LDB2: variants seen among roughly 807,000 people sequenced by gnomAD.
LDB2 encodes LIM domain binding 2.
A neutral mutation model predicts 44.3 loss-of-function variants in LDB2; 12 were observed. The ratio of observed to expected loss-of-function variants is 0.27; its 90% CI spans 0.17 to 0.44. The LOEUF is 0.44. Among genes scored for constraint, LDB2 ranks in the 20% least tolerant of loss-of-function variants. LDB2 has a pLI of 1.00. For missense variants in LDB2, 344 were observed against 473.5 expected (o/e 0.73, Z 2.54); for synonymous variants, 164 against 174.8 (o/e 0.94, Z 0.49).
chr4:16,723,222 T>TA (rs35546588), intron 2 of LDB2, among the ~76,000 whole-genome samples: 63,185 of 151,946 alleles, frequency 0.42, 13,161 homozygotes, highest in Admixed American at 0.44. Flanking sequence ...TGTAACAGAA[T>TA]CCACAGACTG....
intron 5 of LDB2, among the ~76,000 whole-genome samples, chr4:16,571,571 T>C (rs964904455): frequency 2.0e-5 from 3 of 152,194 alleles, no homozygotes; most frequent in African/African-American, 7.2e-5. Context: ...TAGGTCAACA[T>C]GGGATGTAAT....
intron 3 of LDB2, among the ~76,000 whole-genome samples, chr4:16,593,122 C>T (rs1281967316): frequency 2.0e-5 from 3 of 152,014 alleles, no homozygotes; most frequent in East Asian, 1.9e-4. Context: ...ATTAGGATTG[C>T]GACTGATTTT....
intron 5 of LDB2, among the ~76,000 whole-genome samples, chr4:16,550,883 TAAA>T (rs768844556): frequency 2.0e-5 from 3 of 152,212 alleles, no homozygotes; most frequent in Non-Finnish European, 4.4e-5. Flanking sequence ...AACAAATACA[TAAA>T]TGTTTGCATA....
At chr4:16,592,505 T>TATATATATATATATATACACAC (rs757702164) in intron 3 of LDB2, among the ~76,000 whole-genome samples, 4 of 108,050 alleles carry the variant, frequency 3.7e-5, no homozygotes, top group African/African-American at 1.5e-4. Context: ...TATATATATA[T>TATATATATATATATATACACAC]ACACACACAC....
intron 2 of LDB2, among the ~76,000 whole-genome samples, chr4:16,629,879 G>A (rs1731408125): frequency 6.6e-6 from 1 of 151,964 alleles, no homozygotes; most frequent in Non-Finnish European, 1.5e-5. Flanking sequence ...GAGAAGACAA[G>A]ATTAGAGAAA....
chr4:16,521,422 A>T (rs1372207251), intron 5 of LDB2, among the ~76,000 whole-genome samples: 1 of 152,068 alleles, frequency 6.6e-6, no homozygotes, highest in Admixed American at 6.5e-5. Context: ...TTATAAGGAC[A>T]CCAGTAATTA....
At chr4:16,569,559 C>A (rs1436229422) in intron 5 of LDB2, among the ~76,000 whole-genome samples, 1 of 152,116 alleles carries the variant, frequency 6.6e-6, no homozygotes, top group Non-Finnish European at 1.5e-5. Context: ...TAAATGCGGG[C>A]TGAATGGAAG....
At chr4:16,764,501 C>T (rs1008761399) in intron 1 of LDB2, among the ~76,000 whole-genome samples, 2 of 148,834 alleles carry the variant, frequency 1.3e-5, no homozygotes, top group African/African-American at 5.0e-5. Flanking sequence ...ACACAGCTAC[C>T]TTATGAGTTA....
intron 2 of LDB2, among the ~76,000 whole-genome samples, chr4:16,601,410 T>A (rs1237274307): frequency 3.3e-5 from 5 of 152,150 alleles, no homozygotes; most frequent in African/African-American, 4.8e-5. Context: ...GACAATTCAC[T>A]TCCAAGAAAC....
At chr4:16,841,090 C>G (rs1286978278) in intron 1 of LDB2, among the ~76,000 whole-genome samples, 1 of 152,172 alleles carries the variant, frequency 6.6e-6, no homozygotes, top group Non-Finnish European at 1.5e-5. Context: ...ACCACATATG[C>G]CCGGACTTAT....
At chr4:16,685,847 G>A (rs1013615922) in intron 2 of LDB2, among the ~76,000 whole-genome samples, 4 of 151,962 alleles carry the variant, frequency 2.6e-5, no homozygotes, top group Non-Finnish European at 4.4e-5. Context: ...TCAGGAGTTC[G>A]CAACCAGCCT....
intron 1 of LDB2, among the ~76,000 whole-genome samples, chr4:16,870,930 T>C (rs1257950950): frequency 2.0e-5 from 3 of 152,120 alleles, no homozygotes; most frequent in African/African-American, 7.2e-5. Context: ...CACCATGCCC[T>C]GCCTCCTTGC....
chr4:16,833,834 C>T (rs1333767054), intron 1 of LDB2, among the ~76,000 whole-genome samples: 1 of 152,194 alleles, frequency 6.6e-6, no homozygotes, highest in Non-Finnish European at 1.5e-5. Context: ...AGCCACCACA[C>T]CCCGCCCTCC....
chr4:16,530,640 C>A (rs1461735780), intron 5 of LDB2, among the ~76,000 whole-genome samples: 1 of 152,194 alleles, frequency 6.6e-6, no homozygotes, highest in Non-Finnish European at 1.5e-5. Context: ...TACCTCCCTT[C>A]TTCTGGAATC....
chr4:16,711,498 A>C (rs1755860845), intron 2 of LDB2, among the ~76,000 whole-genome samples: 1 of 152,220 alleles, frequency 6.6e-6, no homozygotes, highest in Admixed American at 6.5e-5. Context: ...AGGTAAAATT[A>C]GACTTTTTAT....
chr4:16,513,409 A>G (rs993036652), intron 5 of LDB2, among the ~76,000 whole-genome samples: 4 of 152,192 alleles, frequency 2.6e-5, no homozygotes, highest in African/African-American at 9.7e-5. Flanking sequence ...CATTCATGCT[A>G]TGAAACCATC....
chr4:16,888,331 T>C (rs575794581), intron 1 of LDB2, among the ~76,000 whole-genome samples: 8 of 152,342 alleles, frequency 5.3e-5, no homozygotes, highest in Middle Eastern at 3.4e-3. Flanking sequence ...CAATCACAGC[T>C]TTTTCCCAAC....
Position 16,827,615 on chromosome 4 carries a change from G to A in LDB2, c.133-68355C>T, listed in dbSNP as rs56355511. On this transcript the variant is annotated intron_variant, in intron 1 of 7. Transcript: ENST00000304523. Reference sequence around the variant, plus strand: ...TTTGGAAAAACAGAAATATACATACGTGTGTGTGTAATGTGGAATGTGAAT... The same window carrying A: ...TTTGGAAAAACAGAAATATACATACATGTGTGTGTAATGTGGAATGTGAAT... 8.2e-3 allele frequency among the ~76,000 whole-genome samples: 1,251 copies of A among 152,182 alleles called. 21 individuals are homozygous for A. Among genetic ancestry groups the A allele is most frequent in the African/African-American group, 0.028 (1,173 of 41,520 alleles).
Position 16,567,226 on chromosome 4 carries a change from A to G in LDB2, c.615+18696T>C, listed in dbSNP as rs184416547. On this transcript the variant is annotated intron_variant, in intron 5 of 7. Coordinates refer to ENST00000304523, the MANE Select transcript of LDB2 (RefSeq NM_001290.5). ...TCATTGTGAATAGTAGAAAAATATTAGAAACAACCTAAATGTCCATCAATA... is the reference window on the plus strand; with the variant it reads ...TCATTGTGAATAGTAGAAAAATATTGGAAACAACCTAAATGTCCATCAATA... 2.0e-5 allele frequency among the ~76,000 whole-genome samples: 3 copies of G among 152,340 alleles called. No homozygotes were observed. The East Asian group carries it at 5.8e-4, about 29-fold the overall frequency.
Sources: allele counts gnomAD v4.1 joint callset (sites outside exome capture counted in the v4.1 genomes callset), GRCh38; gene constraint gnomAD v4.1.1; transcripts MANE v1.5; gene names NCBI Gene and HGNC (gene_info 2026-07-23, HGNC 2026-07-21).